TMEM182: variants seen among roughly 807,000 people sequenced by gnomAD.
The protein encoded by TMEM182 is transmembrane protein 182.
Under a neutral mutation model 26.8 loss-of-function variants are expected in TMEM182, and 20 were observed. That is an observed-to-expected ratio of 0.75 (90% CI 0.53 to 1.09). TMEM182 has a LOEUF of 1.09. Among genes scored for constraint, TMEM182 ranks in the 50% least tolerant of loss-of-function variants. TMEM182 has a pLI of 0.00. For synonymous variants in TMEM182, 109 were observed against 102.2 expected (o/e 1.07, Z -0.40); for missense variants, 277 against 275.5 (o/e 1.01, Z -0.04).
At chr2:102,817,686 G>A (rs889911683), downstream of TMEM182, 2 of 984,072 alleles carry the variant, frequency 2.0e-6, no homozygotes, top group Admixed American at 6.2e-5. Flanking sequence ...GGAAGTGTCA[G>A]TGTTGGTAAT....
Position 102,816,880 on chromosome 2 carries a change from C to T in TMEM182, c.*1912C>T. 1.0e-6 allele frequency: 1 copy of T among 985,784 alleles called. No individual in the cohort carries two copies. Among genetic ancestry groups the T allele is most frequent in the Non-Finnish European group, 1.2e-6 (1 of 829,918 alleles). 61.1% of individuals were successfully genotyped at this position (985,784 alleles called of 1,614,324 possible). ...CCATTTAAGTTTCACATACAAGCTGCTTTCGGCAAAGGCTTGAATATTTAT... is the reference window on the plus strand; with the variant it reads ...CCATTTAAGTTTCACATACAAGCTGTTTTCGGCAAAGGCTTGAATATTTAT... On this transcript the variant is annotated 3_prime_UTR_variant, in exon 5 of 5. Coordinates refer to ENST00000412401, the MANE Select transcript of TMEM182 (RefSeq NM_144632.5).
In TMEM182 at chr2:102,815,823, T is replaced by C; in HGVS notation, c.*855T>C. On this transcript the variant is annotated 3_prime_UTR_variant, in exon 5 of 5. Transcript: ENST00000412401. ...AAAATTATATTGCTATCATTCAGCA[T>C]GTGAAAATTTATTGATAAAATGTGA... 3 of 911,210 alleles carry C rather than the reference T, an allele frequency of 3.3e-6. No homozygotes were observed. Among genetic ancestry groups the C allele is most frequent in the African/African-American group, 1.8e-5 (1 of 55,672 alleles). The allele number at this position is 911,210 out of a possible 1,614,324, so 56.4% of individuals were successfully genotyped here. A position where few individuals can be genotyped will look rare whatever the true frequency, so the allele number is the denominator to read the frequency against.
chr2:102,771,838 T>G (rs905008321), intron 3 of TMEM182, among the ~76,000 whole-genome samples: 1 of 152,162 alleles, frequency 6.6e-6, no homozygotes, highest in African/African-American at 2.4e-5. Flanking sequence ...CTGTGTATTG[T>G]GGGATGTTTA....
At chr2:102,810,369 A>C (rs527441951) in intron 4 of TMEM182, among the ~76,000 whole-genome samples, 5 of 152,030 alleles carry the variant, frequency 3.3e-5, no homozygotes, top group Non-Finnish European at 5.9e-5. Flanking sequence ...TCAGTTTTTG[A>C]CTTGGTCTTG....
intron 1 of TMEM182, among the ~76,000 whole-genome samples, chr2:102,745,055 A>G (rs1679651706): frequency 6.6e-6 from 1 of 151,410 alleles, no homozygotes; most frequent in Non-Finnish European, 1.5e-5. Flanking sequence ...TGGTTAGACC[A>G]TTTGCTGTTG....
intron 3 of TMEM182, among the ~76,000 whole-genome samples, chr2:102,797,584 G>A (rs971263308): frequency 2.0e-5 from 3 of 152,054 alleles, no homozygotes; most frequent in Admixed American, 2.0e-4. Flanking sequence ...ATGGAAAATC[G>A]TGATGGAAAA....
chr2:102,754,212 A>T (rs1679968002), intron 1 of TMEM182, among the ~76,000 whole-genome samples: 1 of 152,216 alleles, frequency 6.6e-6, no homozygotes. Context: ...TTTGGGCCAG[A>T]TGTGTTTAGA....
At chr2:102,783,196 C>A (rs970128103) in intron 3 of TMEM182, among the ~76,000 whole-genome samples, 21 of 152,230 alleles carry the variant, frequency 1.4e-4, no homozygotes, top group African/African-American at 4.8e-4. Context: ...AAATGAAACC[C>A]CCTCCTAAAC....
intron 3 of TMEM182, among the ~76,000 whole-genome samples, chr2:102,777,913 G>A (rs1182821388): frequency 6.6e-6 from 1 of 151,598 alleles, no homozygotes; most frequent in Admixed American, 6.6e-5. Flanking sequence ...GTTGAGATTT[G>A]TTTTACAGCT....
At chr2:102,741,751 A>G (rs1468189182) in intron 1 of TMEM182, among the ~76,000 whole-genome samples, 1 of 152,198 alleles carries the variant, frequency 6.6e-6, no homozygotes, top group Non-Finnish European at 1.5e-5. Context: ...GTGAATTACA[A>G]TTGAGATGCA....
chr2:102,744,074 T>G (rs1420645195), intron 1 of TMEM182, among the ~76,000 whole-genome samples: 1 of 152,212 alleles, frequency 6.6e-6, no homozygotes, highest in Non-Finnish European at 1.5e-5. Context: ...TTAATTGACA[T>G]TTGTGAAATA....
chr2:102,825,113 C>T (rs980245850), intron 3 of TMEM182, among the ~76,000 whole-genome samples: 6 of 152,172 alleles, frequency 3.9e-5, no homozygotes, highest in Non-Finnish European at 7.3e-5. Flanking sequence ...AAGGCAAAAA[C>T]TTCAGTACCT....
chr2:102,823,348 T>G (rs764744834), intron 3 of TMEM182, among the ~76,000 whole-genome samples: 5 of 152,208 alleles, frequency 3.3e-5, no homozygotes, highest in Non-Finnish European at 7.3e-5. Context: ...TATTTTTATT[T>G]TTTTGATGGA....
At chr2:102,822,370 C>T (rs1453202980), downstream of TMEM182, among the ~76,000 whole-genome samples, 3 of 152,008 alleles carry the variant, frequency 2.0e-5, no homozygotes, top group Non-Finnish European at 4.4e-5. Context: ...AGTGTGATAT[C>T]GAGGAAACCC....
intron 3 of TMEM182, among the ~76,000 whole-genome samples, chr2:102,785,314 A>G (rs1009415619): frequency 2.0e-5 from 3 of 150,964 alleles, no homozygotes; most frequent in Non-Finnish European, 4.4e-5. Flanking sequence ...TTTAAGAATC[A>G]CCTCCCCCAA....
In TMEM182 at chr2:102,815,402, C is replaced by T; in HGVS notation, c.*434C>T. On this transcript the variant is annotated 3_prime_UTR_variant, in exon 5 of 5. Transcript: ENST00000412401. ...GGTTGTCAGAGAATTTATTTTGTTT[C>T]TTGCCCACACAGATAATATCCACAT... 1 of 999,012 alleles carries T rather than the reference C, an allele frequency of 1.0e-6. No homozygotes were observed. Among genetic ancestry groups the T allele is most frequent in the Non-Finnish European group, 1.2e-6 (1 of 838,980 alleles). The allele number at this position is 999,012 out of a possible 1,614,324, so 61.9% of individuals were successfully genotyped here. A position where few individuals can be genotyped will look rare whatever the true frequency, so the allele number is the denominator to read the frequency against.
At chr2:102,808,989 T>A (rs1219526480) in intron 4 of TMEM182, among the ~76,000 whole-genome samples, 1 of 152,222 alleles carries the variant, frequency 6.6e-6, no homozygotes, top group Non-Finnish European at 1.5e-5. Flanking sequence ...TACACTGATG[T>A]TTACATTTGT....
chr2:102,752,879 T>G lies in TMEM182; in HGVS notation c.-82-5510T>G, dbSNP rs142954320. On this transcript the variant is annotated intron_variant, in intron 1 of 5. Transcript: ENST00000409173. The stretch of plus-strand genomic sequence containing the variant: ...ACAAAAGAAATGTGCAGAGCACTTT[T>G]ATAACTGAAGGACAGAAGAGGAGAA... 2.0e-5 allele frequency among the ~76,000 whole-genome samples: 3 copies of G among 152,370 alleles called. No individual in the cohort carries two copies. In the East Asian group the frequency reaches 5.8e-4, roughly 29 times the overall value.
At chr2:102,737,078 G>A (rs1413562125) in intron 1 of TMEM182, 4 of 461,162 alleles carry the variant, frequency 8.7e-6, no homozygotes, top group Non-Finnish European at 1.5e-5. Context: ...TACAGACCCT[G>A]CTGCCCCTAT....
Sources: gnomAD v4.1 joint callset for allele counts (sites outside exome capture counted in the v4.1 genomes callset) on GRCh38, gnomAD v4.1.1 for gene constraint, MANE v1.5 for transcripts, NCBI Gene and HGNC (gene_info 2026-07-23, HGNC 2026-07-21) for gene names.